NCOA3: variants seen among roughly 807,000 people sequenced by gnomAD.
NCOA3 encodes nuclear receptor coactivator 3, also known as CBP-interacting protein.
NCOA3 carries 51 observed loss-of-function variants against 158.8 expected under a neutral mutation model. That is an observed-to-expected ratio of 0.32 (90% CI 0.26 to 0.41). The LOEUF is 0.41. Ranked by LOEUF, NCOA3 falls within the 10% of genes least tolerant of loss-of-function variation. NCOA3 has a pLI of 1.00. For synonymous variants in NCOA3, 537 were observed against 592.4 expected (o/e 0.91, Z 1.36); for missense variants, 1,510 against 1,746.6 (o/e 0.86, Z 2.41).
intron 1 of NCOA3, among the ~76,000 whole-genome samples, chr20:47,511,495 T>G (rs2084129120): frequency 8.4e-6 from 1 of 118,940 alleles, no homozygotes; most frequent in Non-Finnish European, 1.7e-5. Flanking sequence ...GCTATATAGA[T>G]ATATAGCTGA....
Position 47,651,403 on chromosome 20 carries a change from A to G in NCOA3, c.3946+127A>G, listed in dbSNP as rs1485759490. 8 of 1,399,934 alleles carry G rather than the reference A, an allele frequency of 5.7e-6. No homozygotes were observed. In the East Asian group the frequency reaches 2.0e-4, roughly 34 times the overall value. 86.7% of individuals were successfully genotyped at this position (1,399,934 alleles called of 1,614,324 possible). On this transcript the variant is annotated intron_variant, in intron 20 of 22. Coordinates refer to ENST00000371998, the MANE Select transcript of NCOA3 (RefSeq NM_181659.3). ...CCCTCTTTACTTCACAAGGAAAACC[A>G]AATTAATTTAAATGATTGGAAAACA...
chr20:47,595,255 T>C (rs1435606686), intron 2 of NCOA3, among the ~76,000 whole-genome samples: 1 of 151,868 alleles, frequency 6.6e-6, no homozygotes, highest in Non-Finnish European at 1.5e-5. Flanking sequence ...CGTACCACCA[T>C]GCCCAGCTAA....
intron 2 of NCOA3, among the ~76,000 whole-genome samples, chr20:47,595,428 A>G (rs1009599056): frequency 6.6e-6 from 1 of 152,184 alleles, no homozygotes; most frequent in African/African-American, 2.4e-5. Context: ...GGAGATATCT[A>G]TAGGGATAGG....
chr20:47,586,920 C>A (rs2085544519), intron 2 of NCOA3, among the ~76,000 whole-genome samples: 1 of 152,172 alleles, frequency 6.6e-6, no homozygotes, highest in East Asian at 1.9e-4. Flanking sequence ...GATCCCTTGG[C>A]CAAGGTGTTG....
intron 2 of NCOA3, among the ~76,000 whole-genome samples, chr20:47,594,536 G>A (rs1366893133): frequency 1.3e-5 from 2 of 151,558 alleles, no homozygotes; most frequent in African/African-American, 4.8e-5. Flanking sequence ...GTGTTGGCAG[G>A]CACCTGTAAT....
intron 1 of NCOA3, among the ~76,000 whole-genome samples, chr20:47,515,895 A>C (rs2084226528): frequency 6.6e-6 from 1 of 152,216 alleles, no homozygotes; most frequent in Non-Finnish European, 1.5e-5. Flanking sequence ...AAGAGATGTG[A>C]AGAAAACTTT....
chr20:47,573,074 C>T (rs2146204974), intron 1 of NCOA3, among the ~76,000 whole-genome samples: 1 of 152,126 alleles, frequency 6.6e-6, no homozygotes, highest in Non-Finnish European at 1.5e-5. Flanking sequence ...GCATGGTGCC[C>T]CAAAACAATT....
In NCOA3 at chr20:47,653,617, C is replaced by T; in HGVS notation, c.*200C>T. On this transcript the variant is annotated 3_prime_UTR_variant, in exon 23 of 23. Coordinates refer to ENST00000371998, the MANE Select transcript of NCOA3 (RefSeq NM_181659.3). The stretch of plus-strand genomic sequence containing the variant: ...GGCAATATCTACGTGTTTTTCCCCC[C>T]TCCTTCTGCTGTGTATCATGGTGTT... 1.5e-6 allele frequency: 1 copy of T among 650,198 alleles called. No individual in the cohort carries two copies. The highest frequency in any genetic ancestry group is 2.5e-5 in the Admixed American group (1 of 39,770). The allele number at this position is 650,198 out of a possible 1,614,324, so 40.3% of individuals were successfully genotyped here.
At chr20:47,634,733 C>G (rs1490634730) in intron 10 of NCOA3, among the ~76,000 whole-genome samples, 1 of 152,092 alleles carries the variant, frequency 6.6e-6, no homozygotes, top group Non-Finnish European at 1.5e-5. Context: ...AGTGGTCTCA[C>G]TCATAGATTC....
At chr20:47,585,926 GT>G (rs61328257) in intron 2 of NCOA3, among the ~76,000 whole-genome samples, 18,428 of 135,478 alleles carry the variant, frequency 0.14, 1,514 homozygotes, top group African/African-American at 0.26. Context: ...ATCTCCACAG[GT>G]TTTTTTTTTT....
chr20:47,512,648 C>G (rs967703597), intron 1 of NCOA3, among the ~76,000 whole-genome samples: 1 of 150,166 alleles, frequency 6.7e-6, no homozygotes, highest in African/African-American at 2.5e-5. Context: ...CAAGTAAGTA[C>G]GAAAAAAGAT....
intron 1 of NCOA3, among the ~76,000 whole-genome samples, chr20:47,550,690 T>C (rs1186449692): frequency 1.3e-5 from 2 of 152,186 alleles, no homozygotes; most frequent in South Asian, 2.1e-4. Flanking sequence ...AAGATTATAC[T>C]GAAAGAATTG....
intron 2 of NCOA3, among the ~76,000 whole-genome samples, chr20:47,592,640 T>TA (rs2085665013): frequency 6.6e-6 from 1 of 152,226 alleles, no homozygotes; most frequent in Admixed American, 6.5e-5. Context: ...GTTTACAAAC[T>TA]ACAGACCATT....
chr20:47,577,159 T>G (rs540880074), intron 1 of NCOA3, among the ~76,000 whole-genome samples: 1 of 152,358 alleles, frequency 6.6e-6, no homozygotes, highest in East Asian at 1.9e-4. Context: ...TATGGCATAA[T>G]TTCCTGGATG....
At chr20:47,513,528 C>A (rs1038463014) in intron 1 of NCOA3, among the ~76,000 whole-genome samples, 1 of 152,006 alleles carries the variant, frequency 6.6e-6, no homozygotes, top group African/African-American at 2.4e-5. Context: ...GAGTTTGAGA[C>A]CAGCCTGGCC....
intron 2 of NCOA3, among the ~76,000 whole-genome samples, chr20:47,600,660 G>A (rs184486899): frequency 3.3e-5 from 5 of 151,584 alleles, no homozygotes; most frequent in East Asian, 3.9e-4. Context: ...GACTACAGGC[G>A]TACACTAGCA....
intron 17 of NCOA3, among the ~76,000 whole-genome samples, chr20:47,644,144 A>ATT (rs761776730): frequency 2.2e-4 from 30 of 134,514 alleles, no homozygotes; most frequent in Middle Eastern, 7.6e-3. Flanking sequence ...AATTCGTTCT[A>ATT]TTTTTTTTTT....
At chr20:47,605,268 G>A (rs931546270) in intron 2 of NCOA3, among the ~76,000 whole-genome samples, 31 of 152,034 alleles carry the variant, frequency 2.0e-4, no homozygotes, top group Admixed American at 1.3e-4. Flanking sequence ...TTTTCTGTAT[G>A]TCTCCCTGCC....
chr20:47,642,277 G>A lies in NCOA3; in HGVS notation c.3145G>A (p.Asp1049Asn). ...ACCTTCCAACCTGGAAGGCCAGAGT[G>A]ACGAAAGAGCATTATTGGACCAGCT... is the stretch of plus-strand genomic sequence containing the variant. ...GPPSNLEGQSDERALLDQLHT... is the reference protein window; with the variant it reads ...GPPSNLEGQSNERALLDQLHT... The change falls in exon 17 of 23, where the codon GAC becomes AAC. Residue 1049 changes from aspartate to asparagine, a missense_variant. By Grantham distance (23) the Asp-to-Asn change is conservative (BLOSUM62 1). This residue lies in a region of NCOA3 where 1,017 missense variants were observed against 1,098.3 expected (regional missense o/e 0.93). Transcript: ENST00000371998. 6.2e-7 allele frequency: 1 copy of A among 1,613,188 alleles called. No homozygotes were observed. The highest frequency in any genetic ancestry group is 8.5e-7 in the Non-Finnish European group (1 of 1,179,776).
Sources: gnomAD v4.1 joint callset for allele counts (sites outside exome capture counted in the v4.1 genomes callset) on GRCh38, gnomAD v4.1.1 for gene constraint, gnomAD v4.1.1 regional missense constraint, MANE v1.5 for transcripts, NCBI Gene and HGNC (gene_info 2026-07-23, HGNC 2026-07-21) for gene names.